ALDH18A1: variants seen among roughly 807,000 people sequenced by gnomAD.
ALDH18A1 encodes the protein aldehyde dehydrogenase 18 family member A1.
Under a neutral mutation model 88.8 loss-of-function variants are expected in ALDH18A1, and 44 were observed. The observed-to-expected ratio is 0.50, with a 90% CI of 0.39 to 0.64. ALDH18A1 has a LOEUF of 0.64. Ranked by LOEUF, ALDH18A1 falls within the 30% of genes least tolerant of loss-of-function variation. The pLI is 0.00. For missense variants in ALDH18A1, 782 were observed against 1,009.5 expected, an observed-to-expected ratio of 0.77 and a Z score of 3.05; for synonymous variants, 331 against 372.1, an observed-to-expected ratio of 0.89 and a Z score of 1.27.
In ALDH18A1 at chr10:95,613,503, C is replaced by G. The variant is rs879201836; in HGVS notation, c.1923+239G>C. Among the ~76,000 whole-genome samples the G allele has an allele frequency of 5.9e-5, 9 of 152,140 alleles. 1 individual carries two copies. The highest frequency in any genetic ancestry group is 5.2e-4 in the Admixed American group (8 of 15,270). ...CATGTGGTCTGTCTTACCTTTGAAC[C>G]CTCTTTAGCACACAACACATTCCAC... On this transcript the variant is annotated intron_variant, in intron 15 of 17. Coordinates refer to ENST00000371224, the MANE Select transcript of ALDH18A1 (RefSeq NM_002860.4).
At chr10:95,618,627 T>G (rs917220092) in intron 12 of ALDH18A1, among the ~76,000 whole-genome samples, 1 of 152,234 alleles carries the variant, frequency 6.6e-6, no homozygotes, top group Non-Finnish European at 1.5e-5. Context: ...AGTTGCATTC[T>G]AATTTCCATT....
chr10:95,606,632 A>G lies in ALDH18A1; in HGVS notation c.*130T>C. ...CTGCTATTGCCAAACGGAGCCCAGAAGCATCCAGGTACACTTTCCAACAGG... is the reference window on the plus strand; with the variant it reads ...CTGCTATTGCCAAACGGAGCCCAGAGGCATCCAGGTACACTTTCCAACAGG... On this transcript the variant is annotated 3_prime_UTR_variant, in exon 18 of 18. Transcript: ENST00000371224. 4.4e-6 allele frequency: 7 copies of G among 1,602,020 alleles called. No individual in the cohort carries two copies. Among genetic ancestry groups the G allele is most frequent in the Non-Finnish European group, 5.1e-6 (6 of 1,176,570 alleles).
rs1488774481 is a variant in ALDH18A1, at chr10:95,633,069, G to T, written c.718-20C>A. The stretch of plus-strand genomic sequence containing the variant: ...AATAACCTAGAATGCAGATTAAAAA[G>T]TCATAAGTGAGTGAGCTAAGCAGTC... On this transcript the variant is annotated intron_variant, in intron 6 of 17. Transcript: ENST00000371224. The T allele has an allele frequency of 6.3e-7, 1 of 1,598,108 alleles. No individual in the cohort carries two copies. Among genetic ancestry groups the T allele is most frequent in the Non-Finnish European group, 8.6e-7 (1 of 1,165,520 alleles).
chr10:95,623,549 A>G (rs887645258), intron 11 of ALDH18A1, among the ~76,000 whole-genome samples: 5 of 151,870 alleles, frequency 3.3e-5, no homozygotes, highest in Non-Finnish European at 5.9e-5. Context: ...CTGGGATTAC[A>G]AATGTGAGCT....
chr10:95,614,848 A>T (rs1293507971), intron 13 of ALDH18A1, among the ~76,000 whole-genome samples: 1 of 152,240 alleles, frequency 6.6e-6, no homozygotes, highest in Non-Finnish European at 1.5e-5. Context: ...AACTGGAAAC[A>T]ATCTAAATAT....
At position 95,626,729 on chromosome 10, in the gene ALDH18A1, T is replaced by G. The variant is rs770813627; in HGVS notation, c.1126A>C (p.Met376Leu). 6.2e-7 allele frequency: 1 copy of G among 1,613,834 alleles called. No homozygotes were observed. The highest frequency in any genetic ancestry group is 1.3e-5 in the African/African-American group (1 of 74,888). ...TGCTCAGGTTCCAAGGTGGCCAACATCCTTCCTCCAGATCGCGCCATTTCT... is the reference window on the plus strand; with the variant it reads ...TGCTCAGGTTCCAAGGTGGCCAACAGCCTTCCTCCAGATCGCGCCATTTCT... ...QGEMARSGGR[M>L]LATLEPEQRA... The change falls in exon 10 of 18, where the codon ATG (methionine) becomes CTG (leucine). Residue 376 changes from methionine to leucine, a missense_variant. Met to Leu is a conservative substitution (Grantham distance 15). Coordinates refer to ENST00000371224, the MANE Select transcript of ALDH18A1 (RefSeq NM_002860.4).
intron 13 of ALDH18A1, among the ~76,000 whole-genome samples, chr10:95,615,338 C>CAA (rs71913331): frequency 1.6e-3 from 197 of 123,424 alleles, no homozygotes; most frequent in Non-Finnish European, 2.7e-3. Flanking sequence ...GACCATGTCT[C>CAA]AAAAAAAAAA....
intron 16 of ALDH18A1, 99 bp from the exon 17 acceptor site, chr10:95,610,391 C>CCTGG (rs2139526925): frequency 8.9e-7 from 1 of 1,122,774 alleles, no homozygotes; most frequent in South Asian, 1.3e-5. Context: ...GGGTCTGGGT[C>CCTGG]CCCACTGGGG....
At chr10:95,618,007 CAGAGAGTACCCTTCACAGAGCATTCCAG>C (rs1398734449) in intron 12 of ALDH18A1, among the ~76,000 whole-genome samples, 2 of 152,160 alleles carry the variant, frequency 1.3e-5, no homozygotes, top group African/African-American at 4.8e-5. Context: ...TAGGGGATGT[CAGAGAGTACCCTTCACAGAGCATTCCAG>C]ATTCCACAGT....
At chr10:95,629,792 A>G (rs1473214394) in intron 7 of ALDH18A1, among the ~76,000 whole-genome samples, 2 of 152,118 alleles carry the variant, frequency 1.3e-5, no homozygotes, top group African/African-American at 4.8e-5. Context: ...AAAAATCAAC[A>G]CTCAGTAGAA....
In ALDH18A1 at chr10:95,621,042, A is replaced by G. The variant is rs767770922; in HGVS notation, c.1456T>C (p.Cys486Arg). The change falls in exon 12 of 18, where the codon TGT becomes CGT. Residue 486 changes from cysteine (C) to arginine (R), a missense_variant. Coordinates refer to ENST00000371224, the MANE Select transcript of ALDH18A1 (RefSeq NM_002860.4). ...LLVIFESRPD[C>R]LPQVAALAIA... ...GGGTATATACACACCTGGGGTAGAC[A>G]GTCAGGACGAGATTCAAAGATCACC... 1 of 1,614,140 alleles carries G rather than the reference A, an allele frequency of 6.2e-7. No homozygotes were observed. The highest frequency in any genetic ancestry group is 8.5e-7 in the Non-Finnish European group (1 of 1,180,014).
rs1424084948 is a variant in ALDH18A1, at chr10:95,613,672, G to C, written c.1923+70C>G. Reference sequence around the variant, plus strand: ...TTTCTTAAACTGCCTTATATGGTATGGCTGTGCCTGGTCTAATTCCACAGG... The same window carrying C: ...TTTCTTAAACTGCCTTATATGGTATCGCTGTGCCTGGTCTAATTCCACAGG... On this transcript the variant is annotated intron_variant, in intron 15 of 17. Transcript: ENST00000371224. 1.3e-5 allele frequency: 19 copies of C among 1,448,608 alleles called. No individual in the cohort carries two copies. In the East Asian group the frequency reaches 4.0e-4, roughly 31 times the overall value. The allele number at this position is 1,448,608 out of a possible 1,614,324, so 89.7% of individuals were successfully genotyped here. A position where few individuals can be genotyped will look rare whatever the true frequency, so the allele number is the denominator to read the frequency against.
In ALDH18A1 at chr10:95,616,504, G is replaced by A. The variant is rs2097844465; in HGVS notation, c.1578C>T (p.Ile526=). The change falls in exon 13 of 18, where the codon ATC becomes ATT. Residue 526 remains isoleucine (I), a synonymous_variant. Coordinates refer to ENST00000371224, the MANE Select transcript of ALDH18A1 (RefSeq NM_002860.4). ...LHLLTQEALS[I]HGVKEAVQLV... ...GTTGCACGGCCTCCTTGACTCCATG[G>A]ATTGAGAGAGCCTCCTGGGTCAGGA... The A allele has an allele frequency of 6.4e-7, 1 of 1,572,802 alleles. No homozygotes were observed. Among genetic ancestry groups the A allele is most frequent in the Non-Finnish European group, 8.6e-7 (1 of 1,157,972 alleles).
chr10:95,648,117 C>T (rs1254759841), intron 2 of ALDH18A1, among the ~76,000 whole-genome samples: 2 of 152,174 alleles, frequency 1.3e-5, no homozygotes, highest in East Asian at 1.9e-4. Flanking sequence ...CTCAGGACTA[C>T]TAGGAAGATG....
chr10:95,608,242 A>G (rs1387658507), intron 17 of ALDH18A1, among the ~76,000 whole-genome samples: 1 of 152,222 alleles, frequency 6.6e-6, no homozygotes, highest in Non-Finnish European at 1.5e-5. Context: ...TTTTCATTTG[A>G]ATGCTGGGTG....
intron 2 of ALDH18A1, among the ~76,000 whole-genome samples, chr10:95,652,444 G>A (rs1385201856): frequency 6.6e-6 from 1 of 152,172 alleles, no homozygotes; most frequent in Non-Finnish European, 1.5e-5. Flanking sequence ...AACAAAAATA[G>A]CATGGGGCCG....
At chr10:95,642,289 T>C (rs2097893225) in intron 3 of ALDH18A1, among the ~76,000 whole-genome samples, 2 of 152,178 alleles carry the variant, frequency 1.3e-5, no homozygotes, top group African/African-American at 4.8e-5. Context: ...GCTGTGTAGT[T>C]GAGACAAAGA....
At chr10:95,637,711 G>A (rs976610760) in intron 3 of ALDH18A1, among the ~76,000 whole-genome samples, 11 of 152,116 alleles carry the variant, frequency 7.2e-5, no homozygotes, top group Admixed American at 3.3e-4. Flanking sequence ...GCTCATGCCT[G>A]TAATCCCAGC....
intron 16 of ALDH18A1, among the ~76,000 whole-genome samples, chr10:95,610,873 AGT>A (rs1471549863): frequency 6.6e-6 from 1 of 152,158 alleles, no homozygotes; most frequent in African/African-American, 2.4e-5. Flanking sequence ...GACACCCAGG[AGT>A]GTCCCTGCAT....
Sources: allele counts gnomAD v4.1 joint callset (sites outside exome capture counted in the v4.1 genomes callset), GRCh38; gene constraint gnomAD v4.1.1; transcripts MANE v1.5; gene names NCBI Gene and HGNC (gene_info 2026-07-23, HGNC 2026-07-21).